CDYL2: variants seen among roughly 807,000 people sequenced by gnomAD.
The protein encoded by CDYL2 is chromodomain Y-like protein 2.
In CDYL2, 23 loss-of-function variants were observed where a neutral mutation model predicts 49.4. That is an observed-to-expected ratio of 0.47 (90% CI 0.34 to 0.66). CDYL2 has a LOEUF of 0.66. Among genes scored for constraint, CDYL2 ranks in the 30% least tolerant of loss-of-function variants. The pLI is 0.01. For synonymous variants in CDYL2, 360 were observed against 268.8 expected (o/e 1.34, Z -3.32); for missense variants, 678 against 656.4 (o/e 1.03, Z -0.36).
intron 1 of CDYL2, among the ~76,000 whole-genome samples, chr16:80,737,261 G>A (rs537758803): frequency 4.4e-4 from 67 of 152,242 alleles, no homozygotes; most frequent in African/African-American, 1.5e-3. Flanking sequence ...TGCAGAGGAT[G>A]GATTTGCTTG....
chr16:80,711,066 C>A (rs1286471726), intron 1 of CDYL2, among the ~76,000 whole-genome samples: 1 of 152,206 alleles, frequency 6.6e-6, no homozygotes, highest in Non-Finnish European at 1.5e-5. Context: ...TTGCAACTCA[C>A]AAACATGCAG....
intron 1 of CDYL2, among the ~76,000 whole-genome samples, chr16:80,760,897 G>C (rs978609539): frequency 3.3e-5 from 5 of 151,962 alleles, no homozygotes; most frequent in Non-Finnish European, 5.9e-5. Context: ...GTCTCTTAAA[G>C]GGGAAAAAGA....
intron 1 of CDYL2, among the ~76,000 whole-genome samples, chr16:80,763,114 G>A (rs1014924000): frequency 1.3e-5 from 2 of 152,068 alleles, no homozygotes; most frequent in African/African-American, 2.4e-5. Flanking sequence ...GCTGTAGTGA[G>A]CTGAGACTGT....
chr16:80,651,715 G>A (rs1041545520), intron 2 of CDYL2, among the ~76,000 whole-genome samples: 1 of 152,216 alleles, frequency 6.6e-6, no homozygotes, highest in Non-Finnish European at 1.5e-5. Flanking sequence ...GAAATATGGT[G>A]CCGACATAAA....
intron 2 of CDYL2, among the ~76,000 whole-genome samples, chr16:80,658,642 T>C (rs997951316): frequency 2.0e-5 from 3 of 152,208 alleles, no homozygotes; most frequent in African/African-American, 4.8e-5. Flanking sequence ...AAATGGATCA[T>C]AGGTATTGGT....
chr16:80,605,418 G>A (rs1451481970), intron 6 of CDYL2, among the ~76,000 whole-genome samples: 1 of 147,740 alleles, frequency 6.8e-6, no homozygotes, highest in African/African-American at 2.5e-5. Flanking sequence ...TACATATTAT[G>A]TAAATATAGT....
rs77512117 is a variant in CDYL2, at chr16:80,735,425, T to C, written c.25-50296A>G. Among the ~76,000 whole-genome samples the C allele has an allele frequency of 9.7e-3, 1,480 of 152,314 alleles. 32 individuals carry two copies. Among genetic ancestry groups the C allele is most frequent in the African/African-American group, 0.033 (1,387 of 41,550 alleles). On this transcript the variant is annotated intron_variant, in intron 1 of 6. Coordinates refer to ENST00000570137, the MANE Select transcript of CDYL2 (RefSeq NM_152342.4). ...CAGTTTCCTCATCTGTAAAATGAAGTTAATAATAACCACGACATTGTCAAA... is the reference window on the plus strand; with the variant it reads ...CAGTTTCCTCATCTGTAAAATGAAGCTAATAATAACCACGACATTGTCAAA...
At chr16:80,802,000 T>C (rs1010954672) in intron 1 of CDYL2, among the ~76,000 whole-genome samples, 26 of 152,026 alleles carry the variant, frequency 1.7e-4, no homozygotes, top group African/African-American at 6.3e-4. Context: ...TCTAGTACAA[T>C]TACCTACTAT....
chr16:80,635,986 G>A (rs181265346), intron 2 of CDYL2, among the ~76,000 whole-genome samples: 30 of 152,230 alleles, frequency 2.0e-4, no homozygotes, highest in East Asian at 1.5e-3. Flanking sequence ...TTTAATAAAC[G>A]GTGTCGGGAA....
At chr16:80,660,965 T>C (rs1909017352) in intron 2 of CDYL2, among the ~76,000 whole-genome samples, 1 of 152,030 alleles carries the variant, frequency 6.6e-6, no homozygotes, top group Non-Finnish European at 1.5e-5. Flanking sequence ...GGGTAAGCTG[T>C]CTGAGAGGGC....
intron 3 of CDYL2, among the ~76,000 whole-genome samples, chr16:80,625,377 C>G (rs1422040178): frequency 1.3e-5 from 2 of 152,196 alleles, no homozygotes; most frequent in Non-Finnish European, 2.9e-5. Context: ...TTCTGCTTCT[C>G]TCATCTACAT....
chr16:80,632,045 G>C (rs575806175), intron 3 of CDYL2, among the ~76,000 whole-genome samples: 58 of 152,140 alleles, frequency 3.8e-4, no homozygotes, highest in Non-Finnish European at 7.2e-4. Flanking sequence ...ATAGACTCAA[G>C]AAAATCATAT....
At chr16:80,652,359 G>C (rs1455856205) in intron 2 of CDYL2, among the ~76,000 whole-genome samples, 1 of 152,148 alleles carries the variant, frequency 6.6e-6, no homozygotes, top group African/African-American at 2.4e-5. Context: ...GCCAAAGATG[G>C]AACAATTTGA....
intron 1 of CDYL2, among the ~76,000 whole-genome samples, chr16:80,794,204 T>C (rs757231472): frequency 1.3e-5 from 2 of 152,212 alleles, no homozygotes; most frequent in Non-Finnish European, 2.9e-5. Context: ...TACAATATAA[T>C]GATACAAAGT....
At chr16:80,758,366 T>TA (rs1349772165) in intron 1 of CDYL2, among the ~76,000 whole-genome samples, 1 of 152,048 alleles carries the variant, frequency 6.6e-6, no homozygotes, top group Non-Finnish European at 1.5e-5. Context: ...AACAAAAGTA[T>TA]AAAAAACCTA....
At chr16:80,767,906 T>C (rs181634831) in intron 1 of CDYL2, among the ~76,000 whole-genome samples, 2 of 152,348 alleles carry the variant, frequency 1.3e-5, no homozygotes, top group Non-Finnish European at 2.9e-5. Context: ...TGTCTGCTAC[T>C]GCAAATATTA....
At chr16:80,676,536 T>C (rs1189016525) in intron 2 of CDYL2, among the ~76,000 whole-genome samples, 3 of 152,170 alleles carry the variant, frequency 2.0e-5, no homozygotes. Context: ...GACAAGCTCC[T>C]CACCCAGAGA....
intron 2 of CDYL2, among the ~76,000 whole-genome samples, chr16:80,636,646 C>A (rs186145215): frequency 6.6e-6 from 1 of 152,136 alleles, no homozygotes; most frequent in Non-Finnish European, 1.5e-5. Flanking sequence ...GACAGTGTGG[C>A]GATTCCTCAA....
chr16:80,684,813 G>C lies in CDYL2; in HGVS notation c.341C>G (p.Ala114Gly), dbSNP rs750885476. 4 of 1,614,044 alleles carry C rather than the reference G, an allele frequency of 2.5e-6. No homozygotes were observed. The South Asian group carries it at 4.4e-5, about 18-fold the overall frequency. Residue 114 changes from alanine to glycine, a missense_variant, in exon 2 of 7, where the codon GCC becomes GGC. Around this residue, in one of 3 missense-constraint regions of CDYL2, gnomAD observed 478 missense variants for 427.0 expected, o/e 1.12. Coordinates refer to ENST00000570137, the MANE Select transcript of CDYL2 (RefSeq NM_152342.4). ...GCCTGAATACCCTTTTTTTGGCTTG[G>C]CCAGGGGAGGGTTAATTCGCTTCCG... is the stretch of plus-strand genomic sequence containing the variant. ...HKRKRINPPL[A>G]KPKKGYSGKP...
Sources: allele counts gnomAD v4.1 joint callset (sites outside exome capture counted in the v4.1 genomes callset), GRCh38; gene constraint gnomAD v4.1.1; regional missense constraint gnomAD v4.1.1; transcripts MANE v1.5; gene names NCBI Gene and HGNC (gene_info 2026-07-23, HGNC 2026-07-21).